Variants in ERICH6 observed in about 807,000 individuals in gnomAD.
The protein encoded by ERICH6 is glutamate-rich protein 6.
ERICH6 carries 71 observed loss-of-function variants against 71.0 expected under a neutral mutation model. The ratio of observed to expected loss-of-function variants is 1.00; its 90% CI spans 0.83 to 1.22. The LOEUF is 1.22. ERICH6 is among the 50% of genes most tolerant of loss of function. The probability of loss-of-function intolerance (pLI) is 0.00; values close to 1 mark genes in which losing one functional copy is unlikely to be tolerated. For synonymous variants in ERICH6, 262 were observed against 278.4 expected, an observed-to-expected ratio of 0.94 and a Z score of 0.59; for missense variants, 808 against 797.2, an observed-to-expected ratio of 1.01 and a Z score of -0.16.
At chr3:150,695,201 A>G (rs574349289) in intron 3 of ERICH6, among the ~76,000 whole-genome samples, 1 of 152,350 alleles carries the variant, frequency 6.6e-6, no homozygotes, top group Non-Finnish European at 1.5e-5. Context: ...TAAAACTGCC[A>G]CTATTCACAC....
intron 3 of ERICH6, among the ~76,000 whole-genome samples, chr3:150,695,917 G>T (rs1712640590): frequency 6.6e-6 from 1 of 151,904 alleles, no homozygotes. Context: ...ATGTAGTTTT[G>T]GTGGGAGTTT....
At chr3:150,700,458 C>T (rs896999772) in intron 2 of ERICH6, among the ~76,000 whole-genome samples, 6 of 151,610 alleles carry the variant, frequency 4.0e-5, no homozygotes, top group African/African-American at 1.5e-4. Context: ...GGAGTTTCTC[C>T]AGCAAAAGGA....
At chr3:150,678,965 G>A (rs1222129387) in intron 9 of ERICH6, among the ~76,000 whole-genome samples, 1 of 148,780 alleles carries the variant, frequency 6.7e-6, no homozygotes, top group Non-Finnish European at 1.5e-5. Context: ...TGAACCGGGA[G>A]GCAGAGGTTG....
chr3:150,684,581 G>A (rs1009098968), intron 6 of ERICH6, among the ~76,000 whole-genome samples: 1 of 152,250 alleles, frequency 6.6e-6, no homozygotes, highest in East Asian at 1.9e-4. Context: ...TCTCCACATG[G>A]CCATGGCATC....
At chr3:150,679,744 G>A (rs1422284368) in intron 9 of ERICH6, among the ~76,000 whole-genome samples, 1 of 151,882 alleles carries the variant, frequency 6.6e-6, no homozygotes, top group Admixed American at 6.6e-5. Flanking sequence ...TGCTACCTCT[G>A]TCTCCCAGGT....
intron 8 of ERICH6, 65 bp downstream of exon 8, chr3:150,680,708 A>C: frequency 6.4e-7 from 1 of 1,561,674 alleles, no homozygotes; most frequent in Non-Finnish European, 8.6e-7. Context: ...AATGAGGTTC[A>C]TTTACAAAAC....
chr3:150,682,581 GGTATAAGAAGAAAGTTGCAGAAA>G (rs1712013972), intron 6 of ERICH6, among the ~76,000 whole-genome samples: 3 of 152,138 alleles, frequency 2.0e-5, no homozygotes, highest in Admixed American at 2.0e-4. Context: ...ATGCCTTCCT[GGTATAAGAAGAAAGTTGCAGAAA>G]TGAATTCACT....
At chr3:150,681,894 G>A (rs576588548) in intron 7 of ERICH6, among the ~76,000 whole-genome samples, 55 of 136,004 alleles carry the variant, frequency 4.0e-4, no homozygotes, top group Non-Finnish European at 6.1e-4. Flanking sequence ...GGCTCACTGC[G>A]ACCTCCGTCT....
At chr3:150,683,017 C>T (rs1247020549) in intron 6 of ERICH6, among the ~76,000 whole-genome samples, 2 of 152,126 alleles carry the variant, frequency 1.3e-5, no homozygotes, top group Non-Finnish European at 2.9e-5. Context: ...AGCAGGTGAG[C>T]AGCCAAGCCT....
rs898778678 is a variant in ERICH6 at position 150,680,359 on chromosome 3, C to T, written c.1111+109G>A. 6.9e-6 allele frequency: 8 copies of T among 1,157,326 alleles called. No individual in the cohort carries two copies. The Admixed American group carries it at 1.5e-4, about 22-fold the overall frequency. The allele number at this position is 1,157,326 out of a possible 1,614,324, so 71.7% of individuals were successfully genotyped here. The stretch of plus-strand genomic sequence containing the variant: ...TTGGGATTACAGGCGTGAGCCACTG[C>T]ACCTGGCCAATACTATTTTTTAAAT... On this transcript the variant is annotated intron_variant, in intron 9 of 13. Transcript: ENST00000295910.
At chr3:150,677,673 A>G (rs1711715171) in intron 10 of ERICH6, among the ~76,000 whole-genome samples, 1 of 151,528 alleles carries the variant, frequency 6.6e-6, no homozygotes, top group South Asian at 2.1e-4. Flanking sequence ...ATTTTTCTTT[A>G]TTTTGTAGAG....
chr3:150,692,209 A>G (rs1712467688), intron 3 of ERICH6, among the ~76,000 whole-genome samples: 1 of 152,184 alleles, frequency 6.6e-6, no homozygotes, highest in South Asian at 2.1e-4. Flanking sequence ...AAAATTTTAT[A>G]GATTGTTTAT....
intron 3 of ERICH6, among the ~76,000 whole-genome samples, chr3:150,693,750 T>C (rs1186067431): frequency 6.6e-6 from 1 of 152,216 alleles, no homozygotes; most frequent in East Asian, 1.9e-4. Flanking sequence ...TCAAAACCTA[T>C]AGTATACTTG....
At chr3:150,671,600 G>C (rs1175276873) in intron 11 of ERICH6, among the ~76,000 whole-genome samples, 1 of 152,058 alleles carries the variant, frequency 6.6e-6, no homozygotes. Context: ...AGAATTTCTA[G>C]CCCTATATGT....
intron 8 of ERICH6, 84 bp downstream of exon 8, chr3:150,680,689 T>C (rs1338587616): frequency 3.2e-6 from 5 of 1,554,086 alleles, no homozygotes; most frequent in Non-Finnish European, 4.3e-6. Flanking sequence ...AAGTTATATA[T>C]CTTGAAAAAA....
intron 6 of ERICH6, among the ~76,000 whole-genome samples, chr3:150,685,180 C>T (rs911897847): frequency 5.9e-5 from 9 of 152,014 alleles, no homozygotes; most frequent in Non-Finnish European, 1.3e-4. Flanking sequence ...ATTGTGTCTC[C>T]CAAAAAGACA....
chr3:150,685,933 A>C, intron 5 of ERICH6, 33 bp downstream of exon 5: 1 of 1,596,904 alleles, frequency 6.3e-7, no homozygotes, highest in Admixed American at 1.7e-5. Context: ...CTATGAGAAC[A>C]GTGTACTAGT....
chr3:150,703,060 T>A (rs899926499), intron 1 of ERICH6, among the ~76,000 whole-genome samples: 2 of 151,198 alleles, frequency 1.3e-5, no homozygotes, highest in Non-Finnish European at 2.9e-5. Flanking sequence ...AAATGAGCAC[T>A]CCCAGCAGCC....
At chr3:150,676,336 TTA>T (rs1711655046) in intron 10 of ERICH6, among the ~76,000 whole-genome samples, 1 of 152,160 alleles carries the variant, frequency 6.6e-6, no homozygotes, top group African/African-American at 2.4e-5. Context: ...CTATGTCAGT[TTA>T]TAGTTTTCTG....
Sources: allele counts gnomAD v4.1 joint callset (sites outside exome capture counted in the v4.1 genomes callset), GRCh38; gene constraint gnomAD v4.1.1; transcripts MANE v1.5; gene names NCBI Gene and HGNC (gene_info 2026-07-23, HGNC 2026-07-21).